Variants in PLEKHA5 observed in about 807,000 individuals in gnomAD.
PLEKHA5 encodes the protein pleckstrin homology domain-containing family A member 5.
A neutral mutation model predicts 181.9 loss-of-function variants in PLEKHA5; 55 were observed. That is an observed-to-expected ratio of 0.30 (90% CI 0.24 to 0.38). The LOEUF (loss-of-function observed/expected upper bound fraction) is 0.38, where lower values mean the gene tolerates loss of function less well. Among genes scored for constraint, PLEKHA5 ranks in the 10% least tolerant of loss-of-function variants. The pLI is 1.00. For missense variants in PLEKHA5, 1,432 were observed against 1,549.5 expected (o/e 0.92, Z 1.27); for synonymous variants, 535 against 529.4 (o/e 1.01, Z -0.15).
At chr12:19,237,474 G>A (rs1199095282) in intron 3 of PLEKHA5, among the ~76,000 whole-genome samples, 1 of 149,152 alleles carries the variant, frequency 6.7e-6, no homozygotes, top group East Asian at 2.0e-4. Context: ...AGATGTTCCT[G>A]TGGAGGTACT....
At chr12:19,366,145 G>A (rs2153275597) in intron 30 of PLEKHA5, 36 bp downstream of exon 30, 2 of 1,533,078 alleles carry the variant, frequency 1.3e-6, no homozygotes, top group East Asian at 2.3e-5. Flanking sequence ...TCTACCTGGT[G>A]CTTCCTCTGA....
At chr12:19,299,301 G>C (rs942646486) in intron 15 of PLEKHA5, among the ~76,000 whole-genome samples, 4 of 152,196 alleles carry the variant, frequency 2.6e-5, no homozygotes, top group African/African-American at 9.6e-5. Context: ...AGAACTGTCT[G>C]AACAGATTTT....
intron 3 of PLEKHA5, among the ~76,000 whole-genome samples, chr12:19,185,637 T>TCCC (rs2049670000): frequency 6.6e-6 from 1 of 152,190 alleles, no homozygotes; most frequent in South Asian, 2.1e-4. Context: ...ACCAATACAT[T>TCCC]CCCTCCTTTT....
At chr12:19,297,188 A>AC (rs1016487578) in intron 15 of PLEKHA5, among the ~76,000 whole-genome samples, 42 of 151,726 alleles carry the variant, frequency 2.8e-4, no homozygotes, top group Middle Eastern at 3.4e-3. Flanking sequence ...ACATGTACCA[A>AC]CCCCCCCAGA....
intron 3 of PLEKHA5, among the ~76,000 whole-genome samples, chr12:19,138,027 A>G (rs183394190): frequency 2.6e-5 from 4 of 152,228 alleles, no homozygotes; most frequent in African/African-American, 4.8e-5. Context: ...AAGCTGGCCT[A>G]TATTTAGGAA....
At chr12:19,330,915 A>G (rs2092774834) in intron 20 of PLEKHA5, among the ~76,000 whole-genome samples, 1 of 152,162 alleles carries the variant, frequency 6.6e-6, no homozygotes, top group Non-Finnish European at 1.5e-5. Flanking sequence ...TTGAGTTTAA[A>G]TTAGGAAGTT....
At chr12:19,181,545 C>T (rs1467936561) in intron 3 of PLEKHA5, among the ~76,000 whole-genome samples, 5 of 152,070 alleles carry the variant, frequency 3.3e-5, no homozygotes, top group Admixed American at 6.6e-5. Flanking sequence ...GAGGCCTAGG[C>T]GGGTGGATCA....
Position 19,376,322 on chromosome 12 carries a change from T to C in PLEKHA5, c.*803T>C, listed in dbSNP as rs2095704742. The C allele has an allele frequency of 6.6e-6, 1 of 152,638 alleles. No individual in the cohort carries two copies. Among genetic ancestry groups the C allele is most frequent in the Admixed American group, 6.5e-5 (1 of 15,282 alleles). 9.5% of individuals were successfully genotyped at this position (152,638 alleles called of 1,614,324 possible). ...TGAGCACATGTAATGTATTAAAGGC[T>C]ACTTACTATTGTTTAAATGCAAATG... On this transcript the variant is annotated 3_prime_UTR_variant, in exon 32 of 32. Coordinates refer to ENST00000429027, the MANE Select transcript of PLEKHA5 (RefSeq NM_001256470.2).
intron 12 of PLEKHA5, 45 bp downstream of exon 12, chr12:19,283,790 G>T: frequency 1.6e-6 from 2 of 1,227,712 alleles, no homozygotes; most frequent in Non-Finnish European, 2.4e-6. Flanking sequence ...CCTTATAAAT[G>T]CTGTGTTTTC....
intron 3 of PLEKHA5, among the ~76,000 whole-genome samples, chr12:19,233,546 G>T (rs533480192): frequency 6.6e-6 from 1 of 152,300 alleles, no homozygotes; most frequent in South Asian, 2.1e-4. Context: ...GCTGGATTTA[G>T]TTGTTTGAAC....
intron 7 of PLEKHA5, 84 bp downstream of exon 7, chr12:19,261,105 G>C: frequency 1.5e-6 from 1 of 652,888 alleles, no homozygotes. Flanking sequence ...AAAAAGTATT[G>C]TAACTCTGTG....
chr12:19,326,555 C>A (rs1455013177), intron 20 of PLEKHA5, among the ~76,000 whole-genome samples: 2 of 152,200 alleles, frequency 1.3e-5, no homozygotes, highest in Non-Finnish European at 2.9e-5. Flanking sequence ...GCATGTAAAG[C>A]AGTGTTCCCT....
chr12:19,312,280 C>A (rs1016771852), intron 15 of PLEKHA5, among the ~76,000 whole-genome samples: 1 of 152,182 alleles, frequency 6.6e-6, no homozygotes, highest in Non-Finnish European at 1.5e-5. Context: ...GCTTGAATTA[C>A]CAGCTGCATT....
chr12:19,230,822 A>T (rs1377698374), intron 3 of PLEKHA5, among the ~76,000 whole-genome samples: 1 of 152,160 alleles, frequency 6.6e-6, no homozygotes, highest in Non-Finnish European at 1.5e-5. Flanking sequence ...TGGCAAGCTG[A>T]TGGGCTCCTC....
intron 7 of PLEKHA5, among the ~76,000 whole-genome samples, chr12:19,262,781 T>C (rs2068898033): frequency 6.6e-6 from 1 of 152,172 alleles, no homozygotes; most frequent in Non-Finnish European, 1.5e-5. Flanking sequence ...TACTGTGCTA[T>C]CTGGGAGACT....
intron 3 of PLEKHA5, among the ~76,000 whole-genome samples, chr12:19,159,724 G>T (rs2042540068): frequency 6.6e-6 from 1 of 152,032 alleles, no homozygotes; most frequent in Non-Finnish European, 1.5e-5. Context: ...ATTAGCATAG[G>T]TCTGCAGGTT....
rs150750897 is a variant in PLEKHA5 at position 19,304,160 on chromosome 12, G to A, written c.2038-10654G>A. On this transcript the variant is annotated intron_variant, in intron 15 of 31. Coordinates refer to ENST00000429027, the MANE Select transcript of PLEKHA5 (RefSeq NM_001256470.2). ...TAACTGGCCAGGCACGGTGGCTCAC[G>A]CCTGTAATCCCAACACTTTGGGAAT... Among the ~76,000 whole-genome samples, 483 of 152,044 alleles carry A rather than the reference G, an allele frequency of 3.2e-3. 4 individuals carry two copies. Among genetic ancestry groups the A allele is most frequent in the African/African-American group, 0.011 (462 of 41,514 alleles).
intron 3 of PLEKHA5, among the ~76,000 whole-genome samples, chr12:19,133,017 T>G (rs2034475739): frequency 6.6e-6 from 1 of 151,608 alleles, no homozygotes; most frequent in Admixed American, 6.6e-5. Flanking sequence ...CTAGGCACAA[T>G]TTGATAAACA....
intron 3 of PLEKHA5, among the ~76,000 whole-genome samples, chr12:19,208,953 A>G (rs565113643): frequency 2.4e-4 from 36 of 152,304 alleles, no homozygotes; most frequent in African/African-American, 8.7e-4. Flanking sequence ...GAAATTGAAT[A>G]TGCAATTCAG....
Sources: gnomAD v4.1 joint callset for allele counts (sites outside exome capture counted in the v4.1 genomes callset) on GRCh38, gnomAD v4.1.1 for gene constraint, MANE v1.5 for transcripts, NCBI Gene and HGNC (gene_info 2026-07-23, HGNC 2026-07-21) for gene names.